Variants in MBIP observed in about 807,000 individuals in gnomAD.
The protein encoded by MBIP is MAP3K12 binding inhibitory protein 1, also known as MAP3K12-binding inhibitory protein 1.
In MBIP, 32 loss-of-function variants were observed where a neutral mutation model predicts 45.7. The ratio of observed to expected loss-of-function variants is 0.70; its 90% CI spans 0.53 to 0.94. The LOEUF (loss-of-function observed/expected upper bound fraction) is 0.94, where lower values mean the gene tolerates loss of function less well. Ranked by LOEUF, MBIP falls within the 40% of genes least tolerant of loss-of-function variation. The probability of loss-of-function intolerance (pLI) is 0.00; values close to 1 mark genes in which losing one functional copy is unlikely to be tolerated. For missense variants in MBIP, 381 were observed against 405.5 expected, an observed-to-expected ratio of 0.94 and a Z score of 0.52; for synonymous variants, 145 against 141.0, an observed-to-expected ratio of 1.03 and a Z score of -0.20.
intron 1 of MBIP, among the ~76,000 whole-genome samples, 190 bp downstream of exon 1, chr14:36,320,270 T>C (rs1389960088): frequency 4.6e-5 from 7 of 152,168 alleles, no homozygotes; most frequent in Admixed American, 2.0e-4. Context: ...TAAACGACTC[T>C]GCAACCGGTA....
At chr14:36,310,935 A>T (rs796954283) in intron 6 of MBIP, among the ~76,000 whole-genome samples, 4 of 152,316 alleles carry the variant, frequency 2.6e-5, no homozygotes, top group African/African-American at 9.6e-5. Flanking sequence ...CTTTAGAAAA[A>T]GCAATCTGGC....
At chr14:36,319,727 G>T in intron 1 of MBIP, 1 of 189,780 alleles carries the variant, frequency 5.3e-6, no homozygotes, top group Non-Finnish European at 1.1e-5. Flanking sequence ...CTTTTAAATT[G>T]TTTCTCATTT....
At chr14:36,304,806 ATTTG>A (rs1207936741) in intron 7 of MBIP, among the ~76,000 whole-genome samples, 1 of 152,142 alleles carries the variant, frequency 6.6e-6, no homozygotes, top group Non-Finnish European at 1.5e-5. Context: ...CCCCATAAAT[ATTTG>A]TTTTTCTATG....
At chr14:36,303,212 T>C (rs1594507652) in intron 7 of MBIP, among the ~76,000 whole-genome samples, 1 of 152,176 alleles carries the variant, frequency 6.6e-6, no homozygotes, top group African/African-American at 2.4e-5. Context: ...TGTATAGAAG[T>C]ATAAAAGGTG....
intron 1 of MBIP, among the ~76,000 whole-genome samples, chr14:36,318,393 A>G (rs1880699650): frequency 6.6e-6 from 1 of 151,936 alleles, no homozygotes; most frequent in Non-Finnish European, 1.5e-5. Context: ...AAAACCACAT[A>G]ATGTCACAAA....
chr14:36,320,368 G>C, intron 1 of MBIP, 92 bp downstream of exon 1: 1 of 1,575,510 alleles, frequency 6.3e-7, no homozygotes, highest in Non-Finnish European at 8.6e-7. Flanking sequence ...ACCTCTGCAG[G>C]CCTAGCTGCC....
rs776499627 is a variant in MBIP at position 36,316,820 on chromosome 14, G to A, written c.130-8C>T. 1.9e-6 allele frequency: 3 copies of A among 1,595,322 alleles called. No individual in the cohort carries two copies. The highest frequency in any genetic ancestry group is 3.6e-5 in the Admixed American group (2 of 55,038). ...ATCATCTCTGAGGTCAAGCTTCAAA[G>A]GGGCAAACCAGCAACATCACAAAAA... On this transcript the variant is annotated splice_polypyrimidine_tract_variant and splice_region_variant and intron_variant, in intron 1 of 8. Transcript: ENST00000416007.
At chr14:36,311,341 G>A (rs1385489617) in intron 6 of MBIP, among the ~76,000 whole-genome samples, 1 of 151,774 alleles carries the variant, frequency 6.6e-6, no homozygotes, top group Non-Finnish European at 1.5e-5. Context: ...TGTTTGCTTG[G>A]GCTCTTTAAA....
chr14:36,319,949 A>C, intron 1 of MBIP: 1 of 165,086 alleles, frequency 6.1e-6, no homozygotes, highest in Non-Finnish European at 1.3e-5. Context: ...CCCCATTTGA[A>C]AGGATTATAG....
chr14:36,311,932 C>A, intron 5 of MBIP, 27 bp downstream of exon 5: 1 of 1,517,482 alleles, frequency 6.6e-7, no homozygotes. Flanking sequence ...CTGTCAGTGA[C>A]TCAGATGTCA....
intron 1 of MBIP, among the ~76,000 whole-genome samples, chr14:36,318,550 C>T (rs564336815): frequency 3.8e-4 from 57 of 151,842 alleles, no homozygotes; most frequent in Non-Finnish European, 7.8e-4. Flanking sequence ...TTAATATAGA[C>T]TATTTAAATA....
chr14:36,317,404 T>A (rs1043059388), intron 1 of MBIP, among the ~76,000 whole-genome samples: 1 of 152,112 alleles, frequency 6.6e-6, no homozygotes, highest in African/African-American at 2.4e-5. Context: ...AATGGCAACA[T>A]GTTTATTTCA....
chr14:36,320,369 C>T (rs1880819688), intron 1 of MBIP, 91 bp downstream of exon 1: 6 of 1,579,532 alleles, frequency 3.8e-6, no homozygotes, highest in Non-Finnish European at 2.6e-6. Flanking sequence ...CCTCTGCAGG[C>T]CTAGCTGCCC....
chr14:36,312,063 C>T (rs1389193239), intron 4 of MBIP, 39 bp from the exon 5 acceptor site: 2 of 1,174,538 alleles, frequency 1.7e-6, no homozygotes, highest in African/African-American at 3.1e-5. Context: ...TAAATATATT[C>T]TTCCCTTCAA....
At chr14:36,315,803 T>C (rs1880532483) in intron 2 of MBIP, among the ~76,000 whole-genome samples, 1 of 152,148 alleles carries the variant, frequency 6.6e-6, no homozygotes, top group Non-Finnish European at 1.5e-5. Flanking sequence ...TTAATGCCTA[T>C]TCCATTAGTC....
intron 7 of MBIP, among the ~76,000 whole-genome samples, chr14:36,307,170 T>G (rs1879932645): frequency 6.6e-6 from 1 of 152,236 alleles, no homozygotes; most frequent in Non-Finnish European, 1.5e-5. Context: ...GCTGCTCCCT[T>G]TTGTTACGTG....
In MBIP at chr14:36,314,613, AAAC is replaced by A. The variant is rs776345733; in HGVS notation, c.475-8_475-6del. 184 of 1,609,448 alleles carry A rather than the reference AAAC, an allele frequency of 1.1e-4. No individual in the cohort carries two copies. Among genetic ancestry groups the A allele is most frequent in the African/African-American group, 2.8e-4 (21 of 74,802 alleles). The stretch of plus-strand genomic sequence containing the variant: ...TGCAGATATTCGTCTGTCAATCTAC[AAAC>A]AACAAGTTTTAACAGTGTAAACATA... On this transcript the variant is annotated splice_polypyrimidine_tract_variant and splice_region_variant and intron_variant, in intron 3 of 8. Transcript: ENST00000416007.
Position 36,308,200 on chromosome 14 carries a change from T to TA in MBIP, c.791-12dup, listed in dbSNP as rs550011868. 2,264 of 1,329,196 alleles carry TA rather than the reference T, an allele frequency of 1.7e-3. No individual in the cohort carries two copies. The highest frequency in any genetic ancestry group is 2.7e-3 in the South Asian group (207 of 76,636). The allele number at this position is 1,329,196 out of a possible 1,614,324, so 82.3% of individuals were successfully genotyped here. On this transcript the variant is annotated splice_polypyrimidine_tract_variant and intron_variant, in intron 6 of 8. Transcript: ENST00000416007. ...TTGGCACTGGACCACCTAAATACATTAAAAAAAAATCTGAGATACTATTGA... is the reference window on the plus strand; with the variant it reads ...TTGGCACTGGACCACCTAAATACATTAAAAAAAAAATCTGAGATACTATTGA...
intron 4 of MBIP, among the ~76,000 whole-genome samples, chr14:36,312,491 C>A (rs968904357): frequency 2.6e-5 from 4 of 152,122 alleles, no homozygotes; most frequent in East Asian, 3.8e-4. Flanking sequence ...GAACTCCACA[C>A]AAAGATGACC....
Sources: gnomAD v4.1 joint callset for allele counts (sites outside exome capture counted in the v4.1 genomes callset) on GRCh38, gnomAD v4.1.1 for gene constraint, MANE v1.5 for transcripts, NCBI Gene and HGNC (gene_info 2026-07-23, HGNC 2026-07-21) for gene names.